Variants in UNC80 observed in about 807,000 individuals in gnomAD.
UNC80 encodes the protein protein unc-80 homolog.
In UNC80, 164 loss-of-function variants were observed where a neutral mutation model predicts 384.6. That is an observed-to-expected ratio of 0.43 (90% CI 0.38 to 0.49). The LOEUF is 0.49. Ranked by LOEUF, UNC80 falls within the 20% of genes least tolerant of loss-of-function variation. UNC80 has a pLI of 0.00. For synonymous variants in UNC80, 1,486 were observed against 1,527.8 expected (o/e 0.97, Z 0.64); for missense variants, 3,330 against 4,143.0 (o/e 0.80, Z 5.39).
intron 39 of UNC80, 44 bp downstream of exon 39, chr2:209,934,049 T>C (rs1019416981): frequency 1.4e-6 from 2 of 1,461,428 alleles, no homozygotes; most frequent in African/African-American, 2.9e-5. Context: ...TAAAAAAAAA[T>C]TATAAATAGC....
At chr2:209,994,403 A>T in intron 64 of UNC80, 139 bp downstream of exon 64, 1 of 716,622 alleles carries the variant, frequency 1.4e-6, no homozygotes, top group Non-Finnish European at 2.2e-6. Context: ...TGCTCCTGCC[A>T]TCATGAAAGA....
chr2:209,963,148 T>C (rs1053504005), intron 51 of UNC80, among the ~76,000 whole-genome samples: 1 of 152,226 alleles, frequency 6.6e-6, no homozygotes, highest in African/African-American at 2.4e-5. Context: ...TATTGCTTCA[T>C]TTGTCCAACC....
intron 29 of UNC80, among the ~76,000 whole-genome samples, 193 bp downstream of exon 29, chr2:209,905,158 CT>C (rs746777081): frequency 1.3e-5 from 2 of 152,088 alleles, no homozygotes; most frequent in Non-Finnish European, 2.9e-5. Flanking sequence ...AACATGGAAT[CT>C]TTCCTCAGGT....
intron 47 of UNC80, among the ~76,000 whole-genome samples, chr2:209,949,200 G>T (rs16843966): frequency 0.099 from 15,062 of 152,142 alleles, 1,843 homozygotes; most frequent in African/African-American, 0.29. Flanking sequence ...TAGGATCACA[G>T]GGAAGTTAGG....
At chr2:209,940,939 T>C (rs1027851115) in intron 43 of UNC80, among the ~76,000 whole-genome samples, 2 of 152,220 alleles carry the variant, frequency 1.3e-5, no homozygotes, top group African/African-American at 4.8e-5. Flanking sequence ...GCTGAAATAA[T>C]TTATTTTTCT....
In UNC80 at chr2:209,976,102, C is replaced by T. The variant is rs761381204; in HGVS notation, c.8588-17C>T. 2.4e-4 allele frequency: 370 copies of T among 1,540,830 alleles called. 1 individual carries two copies. The highest frequency in any genetic ancestry group is 3.1e-4 in the Non-Finnish European group (359 of 1,142,328). ...CACACGTCCGCAGGCTCATTTTTCTCTTTTCCCGGTGTGAAGCGCTGAAGG... is the reference window on the plus strand; with the variant it reads ...CACACGTCCGCAGGCTCATTTTTCTTTTTTCCCGGTGTGAAGCGCTGAAGG... On this transcript the variant is annotated splice_polypyrimidine_tract_variant and intron_variant, in intron 56 of 64. Transcript: ENST00000673920. This position sits in a 1 kb window ranked among gnomAD's most constrained non-coding sequence, Gnocchi z 4.3.
chr2:209,820,490 A>G lies in UNC80; in HGVS notation c.2142A>G (p.Gly714=). The change falls in exon 13 of 65, where the codon GGA becomes GGG. Residue 714 remains glycine, a synonymous_variant. Coordinates refer to ENST00000673920, the MANE Select transcript of UNC80 (RefSeq NM_001371986.1). ...CCTTGGAAAAGAGGCCAAGTGAGGG[A>G]GCTTTCCAATTCAAAGGAGTATCTG... is the stretch of plus-strand genomic sequence containing the variant. The part of the protein sequence containing the change: ...NETLEKRPSE[G]AFQFKGVSGS... 1 of 1,551,654 alleles carries G rather than the reference A, an allele frequency of 6.4e-7. No individual in the cohort carries two copies. Among genetic ancestry groups the G allele is most frequent in the South Asian group, 1.2e-5 (1 of 84,046 alleles).
intron 7 of UNC80, among the ~76,000 whole-genome samples, chr2:209,800,404 ATC>A (rs2153826230): frequency 6.6e-6 from 1 of 151,158 alleles, no homozygotes; most frequent in East Asian, 2.0e-4. Flanking sequence ...CATTGGTGAT[ATC>A]CCCTTTATCA....
intron 28 of UNC80, 79 bp from the exon 29 acceptor site, chr2:209,904,686 C>A: frequency 7.9e-7 from 1 of 1,263,238 alleles, no homozygotes; most frequent in Non-Finnish European, 1.1e-6. Context: ...TCTGACTTCC[C>A]ATCTTCCACC....
At position 209,868,653 on chromosome 2, in the gene UNC80, G is replaced by C. The variant is rs144977733; in HGVS notation, c.3628-4105G>C. Among the ~76,000 whole-genome samples, 3 of 152,284 alleles carry C rather than the reference G, an allele frequency of 2.0e-5. No individual in the cohort carries two copies. In the East Asian group the frequency reaches 5.8e-4, roughly 29 times the overall value. On this transcript the variant is annotated intron_variant, in intron 22 of 64. Transcript: ENST00000673920. ...AGTCAAGGAAAGTAGCCAGACTCCT[G>C]ATGTTTTCTACCTGTAGACTGTAAG...
chr2:209,845,806 C>T (rs1467174628), intron 21 of UNC80, among the ~76,000 whole-genome samples: 4 of 152,120 alleles, frequency 2.6e-5, no homozygotes, highest in African/African-American at 9.7e-5. Context: ...GTATCTCCAG[C>T]TTAAACAACA....
At chr2:209,958,043 A>T (rs546777005) in intron 49 of UNC80, among the ~76,000 whole-genome samples, 1 of 152,218 alleles carries the variant, frequency 6.6e-6, no homozygotes, top group South Asian at 2.1e-4. Flanking sequence ...TTTACCTTCA[A>T]CAAAAGGCAA....
At chr2:209,849,094 A>G (rs2082349444) in intron 21 of UNC80, among the ~76,000 whole-genome samples, 1 of 152,186 alleles carries the variant, frequency 6.6e-6, no homozygotes, top group African/African-American at 2.4e-5. Context: ...GAAATTGCAC[A>G]GTGATTGCAA....
chr2:209,776,752 T>C (rs533898970), intron 3 of UNC80, among the ~76,000 whole-genome samples: 2 of 152,376 alleles, frequency 1.3e-5, no homozygotes, highest in South Asian at 2.1e-4. Flanking sequence ...TCCAGCTTTG[T>C]AGTACTGTGT....
intron 35 of UNC80, among the ~76,000 whole-genome samples, chr2:209,922,792 A>AGTTTTTGTTTTT (rs374515160): frequency 4.7e-4 from 71 of 151,858 alleles, no homozygotes; most frequent in African/African-American, 1.6e-3. Flanking sequence ...GTGTGTCACT[A>AGTTTTTGTTTTT]GTTTTTGTTT....
intron 36 of UNC80, among the ~76,000 whole-genome samples, chr2:209,927,834 T>A (rs1266665764): frequency 2.0e-5 from 3 of 152,198 alleles, no homozygotes; most frequent in African/African-American, 7.2e-5. Flanking sequence ...CATTGTACAC[T>A]GATCATTATT....
intron 56 of UNC80, among the ~76,000 whole-genome samples, 170 bp downstream of exon 56, chr2:209,973,440 C>T (rs2092934279): frequency 6.6e-6 from 1 of 152,162 alleles, no homozygotes. Context: ...TTTAAAGAGA[C>T]CTCAATCCAG....
chr2:209,784,024 G>A (rs564586672), intron 4 of UNC80, among the ~76,000 whole-genome samples: 30 of 152,088 alleles, frequency 2.0e-4, no homozygotes, highest in Non-Finnish European at 4.3e-4. Context: ...TCTAAAACTA[G>A]GCTTCTGAAA....
chr2:209,903,427 T>TTTATATATATA (rs1553582846), intron 28 of UNC80, among the ~76,000 whole-genome samples: 1 of 114,560 alleles, frequency 8.7e-6, no homozygotes, highest in South Asian at 2.3e-4. Flanking sequence ...ATTATATATA[T>TTTATATATATA]TTATATATAT....
Sources: gnomAD v4.1 joint callset for allele counts (sites outside exome capture counted in the v4.1 genomes callset) on GRCh38, gnomAD v4.1.1 for gene constraint, Gnocchi (gnomAD v3.1) non-coding constraint, MANE v1.5 for transcripts, NCBI Gene and HGNC (gene_info 2026-07-23, HGNC 2026-07-21) for gene names.